Variants in RNF175 observed in about 807,000 individuals in gnomAD.
RNF175 encodes the protein ring finger protein 175.
Under a neutral mutation model 50.0 loss-of-function variants are expected in RNF175, and 38 were observed. The ratio of observed to expected loss-of-function variants is 0.76; its 90% CI spans 0.59 to 1.00. The LOEUF is 1.00. RNF175 is among the 50% of genes least tolerant of loss of function. The pLI, the probability that RNF175 is intolerant of heterozygous loss-of-function variation, is 0.00. For synonymous variants in RNF175, 155 were observed against 146.1 expected, an observed-to-expected ratio of 1.06 and a Z score of -0.44; for missense variants, 388 against 409.6, an observed-to-expected ratio of 0.95 and a Z score of 0.46.
chr4:153,723,462 TG>T lies in RNF175; in HGVS notation c.402-5del. On this transcript the variant is annotated splice_polypyrimidine_tract_variant and splice_region_variant and intron_variant, in intron 4 of 8. Transcript: ENST00000347063. ...AAGAAACCATTTGTAGACCAATCTG[TG>T]GAGTGAAAAATGGGGAGAAACACAG... 6.9e-7 allele frequency: 1 copy of T among 1,446,522 alleles called. No individual in the cohort carries two copies. The highest frequency in any genetic ancestry group is 1.4e-5 in the African/African-American group (1 of 71,960). 89.6% of individuals were successfully genotyped at this position (1,446,522 alleles called of 1,614,324 possible).
intron 3 of RNF175, among the ~76,000 whole-genome samples, chr4:153,737,853 A>C (rs1739431484): frequency 6.6e-6 from 1 of 152,188 alleles, no homozygotes; most frequent in South Asian, 2.1e-4. Context: ...TTATGTCCTT[A>C]CTAATTTTAT....
In RNF175 at chr4:153,715,529, A is replaced by T; in HGVS notation, c.764T>A (p.Val255Asp). 6.3e-7 allele frequency: 1 copy of T among 1,586,242 alleles called. No homozygotes were observed. The highest frequency in any genetic ancestry group is 8.6e-7 in the Non-Finnish European group (1 of 1,165,732). The change falls in exon 7 of 9, where the codon GTC (valine) becomes GAC (aspartate). Residue 255 changes from valine (V) to aspartate (D), a missense_variant and splice_region_variant. By Grantham distance (152) the Val-to-Asp change is radical. Coordinates refer to ENST00000347063, the MANE Select transcript of RNF175 (RefSeq NM_173662.4). ...AAACAATTTCCTTTGAAAAGGATAC[A>T]CATGATTACAGGAAAGCTGGTAGGT... is the stretch of plus-strand genomic sequence containing the variant. The part of the protein sequence containing the change: ...ENTYQLSCNH[V>D]FHEFCIRGWC...
chr4:153,759,670 T>C (rs1038514661), intron 1 of RNF175, 127 bp downstream of exon 1: 4 of 577,586 alleles, frequency 6.9e-6, no homozygotes, highest in Non-Finnish European at 1.1e-5. Flanking sequence ...CCCACGTCTT[T>C]CCAGGGCCGG....
intron 2 of RNF175, among the ~76,000 whole-genome samples, chr4:153,750,399 A>G (rs1740221255): frequency 6.6e-6 from 1 of 152,206 alleles, no homozygotes; most frequent in African/African-American, 2.4e-5. Flanking sequence ...TCCAAATCCC[A>G]AGGGTGCCCC....
chr4:153,732,118 G>A (rs912469178), intron 3 of RNF175, among the ~76,000 whole-genome samples: 2 of 152,106 alleles, frequency 1.3e-5, no homozygotes, highest in Admixed American at 6.6e-5. Context: ...TGGAATCCCA[G>A]CTACTTGGGT....
intron 1 of RNF175, among the ~76,000 whole-genome samples, chr4:153,752,068 C>T (rs1242667779): frequency 2.0e-5 from 3 of 152,244 alleles, no homozygotes; most frequent in Non-Finnish European, 4.4e-5. Context: ...GCACAGACAT[C>T]GTCTCCAGAA....
intron 3 of RNF175, among the ~76,000 whole-genome samples, chr4:153,730,877 A>C (rs1022938887): frequency 6.6e-6 from 1 of 152,188 alleles, no homozygotes; most frequent in Non-Finnish European, 1.5e-5. Flanking sequence ...CTTCCTGTAA[A>C]TCCATAAGTA....
At chr4:153,739,850 TTC>T (rs1319211029) in intron 3 of RNF175, among the ~76,000 whole-genome samples, 2 of 152,160 alleles carry the variant, frequency 1.3e-5, no homozygotes, top group African/African-American at 4.8e-5. Context: ...CTACTTGGTG[TTC>T]TCTGAGTTTC....
At chr4:153,757,860 G>A (rs1016781557) in intron 1 of RNF175, among the ~76,000 whole-genome samples, 8 of 152,118 alleles carry the variant, frequency 5.3e-5, no homozygotes, top group African/African-American at 1.4e-4. Context: ...GGGGAATAGG[G>A]AGATGGTGTT....
intron 3 of RNF175, among the ~76,000 whole-genome samples, chr4:153,744,810 C>G (rs145654827): frequency 1.3e-5 from 2 of 152,060 alleles, no homozygotes; most frequent in Admixed American, 6.5e-5. Context: ...AGACATTATC[C>G]AAGTGCAATA....
chr4:153,717,190 A>G (rs1393693859), intron 6 of RNF175, among the ~76,000 whole-genome samples: 1 of 152,164 alleles, frequency 6.6e-6, no homozygotes, highest in African/African-American at 2.4e-5. Flanking sequence ...TTTGTTGCTC[A>G]AATTCCAGCT....
At chr4:153,750,849 A>C (rs907691315) in intron 2 of RNF175, among the ~76,000 whole-genome samples, 10 of 124,350 alleles carry the variant, frequency 8.0e-5, no homozygotes, top group African/African-American at 2.5e-4. Context: ...CTAAAATAGG[A>C]TTTGCATAGA....
chr4:153,746,319 T>C (rs547970473), intron 3 of RNF175, among the ~76,000 whole-genome samples: 1 of 152,392 alleles, frequency 6.6e-6, no homozygotes, highest in Non-Finnish European at 1.5e-5. Flanking sequence ...CATGTCCTAC[T>C]TTCTGGGCAT....
chr4:153,735,266 C>CAA, intron 3 of RNF175, among the ~76,000 whole-genome samples: 1 of 150,718 alleles, frequency 6.6e-6, no homozygotes, highest in Non-Finnish European at 1.5e-5. Flanking sequence ...AGTTGTTCCA[C>CAA]AACCATTTGT....
At chr4:153,750,070 A>C (rs1381919573) in intron 2 of RNF175, among the ~76,000 whole-genome samples, 1 of 152,214 alleles carries the variant, frequency 6.6e-6, no homozygotes, top group Non-Finnish European at 1.5e-5. Flanking sequence ...CAGAAGAGAA[A>C]GAGGCCCAGG....
intron 3 of RNF175, among the ~76,000 whole-genome samples, chr4:153,730,617 C>T (rs569105898): frequency 1.8e-3 from 280 of 152,218 alleles, no homozygotes; most frequent in African/African-American, 6.7e-3. Flanking sequence ...GATCATCTGT[C>T]GTTTGCATTT....
chr4:153,733,353 A>G (rs1310690955), intron 3 of RNF175, among the ~76,000 whole-genome samples: 1 of 152,232 alleles, frequency 6.6e-6, no homozygotes, highest in Non-Finnish European at 1.5e-5. Flanking sequence ...TATTACTATA[A>G]GTGCACTTCC....
chr4:153,736,858 T>C (rs1161731199), intron 3 of RNF175, among the ~76,000 whole-genome samples: 1 of 152,130 alleles, frequency 6.6e-6, no homozygotes, highest in Non-Finnish European at 1.5e-5. Context: ...TGATCTCATT[T>C]TCTTTTCTCT....
intron 3 of RNF175, among the ~76,000 whole-genome samples, chr4:153,736,126 T>C (rs1739343225): frequency 6.6e-6 from 1 of 152,230 alleles, no homozygotes; most frequent in South Asian, 2.1e-4. Context: ...CTTTATCAAG[T>C]TGGGAAATTC....
Sources: gnomAD v4.1 joint callset for allele counts (sites outside exome capture counted in the v4.1 genomes callset) on GRCh38, gnomAD v4.1.1 for gene constraint, MANE v1.5 for transcripts, NCBI Gene and HGNC (gene_info 2026-07-23, HGNC 2026-07-21) for gene names.